ROBO1: variants seen among roughly 807,000 people sequenced by gnomAD.
The protein encoded by ROBO1 is roundabout guidance receptor 1.
Under a neutral mutation model 195.9 loss-of-function variants are expected in ROBO1, and 149 were observed. The ratio of observed to expected loss-of-function variants is 0.76; its 90% CI spans 0.67 to 0.87. ROBO1 has a LOEUF of 0.87. Among genes scored for constraint, ROBO1 ranks in the 40% least tolerant of loss-of-function variants. The probability of loss-of-function intolerance (pLI) is 0.00; values close to 1 mark genes in which losing one functional copy is unlikely to be tolerated. For missense variants in ROBO1, 1,933 were observed against 2,068.3 expected, an observed-to-expected ratio of 0.93 and a Z score of 1.27; for synonymous variants, 816 against 733.2, an observed-to-expected ratio of 1.11 and a Z score of -1.82.
chr3:79,206,742 T>C (rs548142762), intron 2 of ROBO1, among the ~76,000 whole-genome samples: 1 of 152,222 alleles, frequency 6.6e-6, no homozygotes, highest in Non-Finnish European at 1.5e-5. Flanking sequence ...TGGGAATAAA[T>C]GACAATGGAA....
chr3:78,970,036 T>C (rs2076729032), intron 3 of ROBO1, among the ~76,000 whole-genome samples: 3 of 152,186 alleles, frequency 2.0e-5, no homozygotes, highest in Non-Finnish European at 4.4e-5. Flanking sequence ...AAATGGTTAT[T>C]GTGCCAGTTT....
intron 2 of ROBO1, among the ~76,000 whole-genome samples, chr3:79,294,991 C>T (rs2032499579): frequency 6.6e-6 from 1 of 152,172 alleles, no homozygotes; most frequent in Non-Finnish European, 1.5e-5. Flanking sequence ...CGTTTTTACA[C>T]TGTTGGTTGG....
At chr3:78,856,906 C>A (rs918014222) in intron 4 of ROBO1, among the ~76,000 whole-genome samples, 2 of 151,000 alleles carry the variant, frequency 1.3e-5, no homozygotes, top group Non-Finnish European at 2.9e-5. Context: ...TTCTCTAATA[C>A]TAACAAGCAC....
At chr3:79,078,761 A>T (rs535433098) in intron 3 of ROBO1, among the ~76,000 whole-genome samples, 14 of 151,836 alleles carry the variant, frequency 9.2e-5, no homozygotes, top group Non-Finnish European at 1.5e-4. Context: ...CTAAGAGCAA[A>T]CCTGAGACAG....
At chr3:78,820,611 C>A (rs553935308) in intron 4 of ROBO1, among the ~76,000 whole-genome samples, 1 of 152,268 alleles carries the variant, frequency 6.6e-6, no homozygotes, top group East Asian at 1.9e-4. Flanking sequence ...GTTGATAGCT[C>A]CAGTCTACAC....
At chr3:79,123,909 C>G (rs1281843645) in intron 3 of ROBO1, among the ~76,000 whole-genome samples, 1 of 151,952 alleles carries the variant, frequency 6.6e-6, no homozygotes, top group Non-Finnish European at 1.5e-5. Flanking sequence ...TCTCTTAATT[C>G]AAGACTCCAA....
chr3:78,888,649 C>T (rs1049935660), intron 4 of ROBO1, among the ~76,000 whole-genome samples: 3 of 152,116 alleles, frequency 2.0e-5, no homozygotes, highest in African/African-American at 7.2e-5. Context: ...TAGTTCTTTA[C>T]ATTTCATAAA....
intron 21 of ROBO1, 45 bp from the exon 22 acceptor site, chr3:78,639,943 AGT>A: frequency 7.1e-7 from 1 of 1,404,752 alleles, no homozygotes; most frequent in Non-Finnish European, 9.5e-7. Flanking sequence ...ATGAATAGAG[AGT>A]AATATTTTCT....
chr3:78,705,387 T>A (rs2081525624), intron 8 of ROBO1, among the ~76,000 whole-genome samples: 1 of 152,240 alleles, frequency 6.6e-6, no homozygotes, highest in Non-Finnish European at 1.5e-5. Context: ...ATTCATTAGT[T>A]TATTTTCCTA....
chr3:78,990,216 T>C (rs372797346), intron 3 of ROBO1, among the ~76,000 whole-genome samples: 1 of 152,208 alleles, frequency 6.6e-6, no homozygotes, highest in Non-Finnish European at 1.5e-5. Context: ...TCATTGTTGA[T>C]TGGCGATATG....
chr3:79,186,523 T>G (rs905372255), intron 2 of ROBO1, among the ~76,000 whole-genome samples: 3 of 152,104 alleles, frequency 2.0e-5, no homozygotes, highest in Admixed American at 6.6e-5. Context: ...TTTCTCAATC[T>G]GGGCCCTGCC....
Position 79,557,730 on chromosome 3 carries a change from T to TAAAAAAA in ROBO1, c.88+32093_88+32094insTTTTTTT, listed in dbSNP as rs368317896. 1.7e-3 allele frequency among the ~76,000 whole-genome samples: 189 copies of TAAAAAAA among 110,332 alleles called. 7 individuals are homozygous for TAAAAAAA. The highest frequency in any genetic ancestry group is 7.0e-3 in the African/African-American group (161 of 22,986). 72.4% of individuals were successfully genotyped at this position (110,332 alleles called of 152,430 possible). ...CCTGGGCAACAGAGCGAGACTGTCT[T>TAAAAAAA]AAAACAAAAAAAAATATATATATAT... is the stretch of plus-strand genomic sequence containing the variant. On this transcript the variant is annotated intron_variant, in intron 2 of 30. Transcript: ENST00000464233.
intron 3 of ROBO1, among the ~76,000 whole-genome samples, chr3:78,949,576 A>G (rs1040482740): frequency 2.0e-5 from 3 of 152,204 alleles, no homozygotes; most frequent in African/African-American, 7.2e-5. Context: ...AAACCTAGGC[A>G]ATACCATTCA....
At chr3:79,227,234 C>T (rs1576841795) in intron 2 of ROBO1, among the ~76,000 whole-genome samples, 1 of 152,100 alleles carries the variant, frequency 6.6e-6, no homozygotes, top group African/African-American at 2.4e-5. Context: ...TTCCCCAGGC[C>T]TCTTTGTAAT....
Position 78,887,003 on chromosome 3 carries a change from T to C in ROBO1, c.499+51598A>G, listed in dbSNP as rs145536722. On this transcript the variant is annotated intron_variant, in intron 4 of 30. Transcript: ENST00000464233. ...ATACACCTTTAGTTATGTAATTTTCTGTATGCATATTTCAGTTAAATTTGT... is the reference window on the plus strand; with the variant it reads ...ATACACCTTTAGTTATGTAATTTTCCGTATGCATATTTCAGTTAAATTTGT... Among the ~76,000 whole-genome samples, 19 of 152,342 alleles carry C rather than the reference T, an allele frequency of 1.2e-4. No individual in the cohort carries two copies. In the East Asian group the frequency reaches 2.5e-3, roughly 20 times the overall value.
chr3:79,031,045 C>A (rs2078287910), intron 3 of ROBO1, among the ~76,000 whole-genome samples: 1 of 152,188 alleles, frequency 6.6e-6, no homozygotes, highest in Non-Finnish European at 1.5e-5. Context: ...TACCTTCATG[C>A]ATACTTGAAT....
intron 2 of ROBO1, among the ~76,000 whole-genome samples, chr3:79,440,830 A>G (rs901438105): frequency 6.6e-6 from 1 of 152,130 alleles, no homozygotes; most frequent in African/African-American, 2.4e-5. Context: ...AGTAATGAGA[A>G]AAATTGTTGG....
At chr3:79,562,291 T>A (rs923175562) in intron 2 of ROBO1, among the ~76,000 whole-genome samples, 1 of 151,794 alleles carries the variant, frequency 6.6e-6, no homozygotes, top group Non-Finnish European at 1.5e-5. Flanking sequence ...CACACACACA[T>A]ACAACAAAGA....
intron 1 of ROBO1, among the ~76,000 whole-genome samples, chr3:79,746,468 C>A (rs1166186064): frequency 6.6e-6 from 1 of 151,996 alleles, no homozygotes. Flanking sequence ...CTTCCAACAT[C>A]ATCTTCTAAA....
Sources: allele counts gnomAD v4.1 joint callset (sites outside exome capture counted in the v4.1 genomes callset), GRCh38; gene constraint gnomAD v4.1.1; transcripts MANE v1.5; gene names NCBI Gene and HGNC (gene_info 2026-07-23, HGNC 2026-07-21).